The following BBS9 variants were observed in gnomAD, a reference collection of about 807,000 sequenced individuals.
BBS9 encodes Bardet-Biedl syndrome 9.
Under a neutral mutation model 117.7 loss-of-function variants are expected in BBS9, and 89 were observed. The observed-to-expected ratio is 0.76, with a 90% CI of 0.64 to 0.90. BBS9 has a LOEUF of 0.90. BBS9 is among the 40% of genes least tolerant of loss of function. The pLI is 0.00. For missense variants in BBS9, 982 were observed against 1,042.2 expected, an observed-to-expected ratio of 0.94 and a Z score of 0.80; for synonymous variants, 379 against 370.9, an observed-to-expected ratio of 1.02 and a Z score of -0.25.
chr7:33,371,269 T>C (rs1822814612), intron 17 of BBS9, among the ~76,000 whole-genome samples: 1 of 152,110 alleles, frequency 6.6e-6, no homozygotes, highest in Non-Finnish European at 1.5e-5. Context: ...CTTTAGAAAA[T>C]AATGATAAAA....
At chr7:33,448,004 CAA>C (rs977239734) in intron 19 of BBS9, among the ~76,000 whole-genome samples, 1 of 152,084 alleles carries the variant, frequency 6.6e-6, no homozygotes, top group African/African-American at 2.4e-5. Context: ...AAAAACAAAA[CAA>C]AAACACCCAA....
chr7:33,572,837 A>G (rs1585310431), intron 21 of BBS9, among the ~76,000 whole-genome samples: 2 of 152,018 alleles, frequency 1.3e-5, no homozygotes, highest in East Asian at 3.9e-4. Flanking sequence ...TCTCTTGTCT[A>G]TCAATCAACT....
intron 17 of BBS9, among the ~76,000 whole-genome samples, chr7:33,381,258 G>A (rs981714081): frequency 3.9e-5 from 6 of 152,160 alleles, no homozygotes; most frequent in African/African-American, 1.4e-4. Flanking sequence ...GCACCCCTGT[G>A]GCAAGGTCAG....
Position 33,534,162 on chromosome 7 carries a change from C to T in BBS9, c.2507C>T (p.Thr836Ile). 6.2e-7 allele frequency: 1 copy of T among 1,614,134 alleles called. No homozygotes were observed. Among genetic ancestry groups the T allele is most frequent in the Non-Finnish European group, 8.5e-7 (1 of 1,180,002 alleles). The change falls in exon 21 of 23, where the codon ACC becomes ATC. Residue 836 changes from threonine to isoleucine, a missense_variant. Thr to Ile is a moderately conservative substitution (Grantham distance 89, BLOSUM62 -1). Transcript: ENST00000242067. The stretch of plus-strand genomic sequence containing the variant: ...AGTACCGATGCAGCAGCCCCACAGA[C>T]CATGGTCATGCCAGGTAAGAGCTCT... ...CLSTDAAAPQ[T>I]MVMPGGCTTI...
At chr7:33,527,673 G>A (rs919812741) in intron 20 of BBS9, among the ~76,000 whole-genome samples, 10 of 152,214 alleles carry the variant, frequency 6.6e-5, no homozygotes, top group African/African-American at 4.8e-5. Flanking sequence ...GATGAACCAG[G>A]TACCTCAGAT....
chr7:33,167,063 C>T lies in BBS9; in HGVS notation c.329-10415C>T, dbSNP rs541617947. On this transcript the variant is annotated intron_variant, in intron 4 of 22. Transcript: ENST00000242067. The stretch of plus-strand genomic sequence containing the variant: ...TAATTTTATCTCTTCCATGATGAGT[C>T]ATAGAATGCAGAGCTTTTAATAACA... 5.3e-5 allele frequency among the ~76,000 whole-genome samples: 8 copies of T among 152,344 alleles called. No individual in the cohort carries two copies. The South Asian group carries it at 1.7e-3, about 32-fold the overall frequency.
intron 5 of BBS9, among the ~76,000 whole-genome samples, chr7:33,236,201 C>T (rs987709852): frequency 2.0e-5 from 3 of 151,722 alleles, no homozygotes; most frequent in African/African-American, 7.3e-5. Context: ...TGGCACATAC[C>T]TGCAATCCCA....
intron 19 of BBS9, among the ~76,000 whole-genome samples, chr7:33,437,318 C>T (rs1835443371): frequency 1.3e-5 from 2 of 152,184 alleles, no homozygotes; most frequent in African/African-American, 2.4e-5. Context: ...GCTCCCACAC[C>T]AGTCTTCTTT....
At chr7:33,430,028 G>C (rs1249502030) in intron 19 of BBS9, among the ~76,000 whole-genome samples, 1 of 152,066 alleles carries the variant, frequency 6.6e-6, no homozygotes, top group Non-Finnish European at 1.5e-5. Context: ...TTGGTCTATG[G>C]GTCTTACTGG....
intron 9 of BBS9, among the ~76,000 whole-genome samples, chr7:33,301,515 C>T (rs145341452): frequency 0.021 from 3,170 of 152,180 alleles, 118 homozygotes; most frequent in African/African-American, 0.072. Flanking sequence ...TGAGAACATG[C>T]AAACTTTGTC....
intron 5 of BBS9, among the ~76,000 whole-genome samples, chr7:33,241,554 A>G (rs184633787): frequency 4.2e-4 from 64 of 152,306 alleles, no homozygotes; most frequent in African/African-American, 1.4e-3. Flanking sequence ...ATCCAGTTAG[A>G]TATAAGTTAG....
intron 20 of BBS9, among the ~76,000 whole-genome samples, chr7:33,510,005 A>G (rs1585067126): frequency 6.6e-6 from 1 of 152,138 alleles, no homozygotes; most frequent in Admixed American, 6.6e-5. Context: ...AAAAGTGCTC[A>G]AAGTTATATG....
At position 33,632,374 on chromosome 7, in the gene BBS9, A is replaced by G. The variant is rs565868554; in HGVS notation, c.2522-2803A>G. ...TTTCAAAATCATGGTGTGAATGGAA[A>G]GGCTTTGTTTGCCATTATCTTCTGT... On this transcript the variant is annotated intron_variant, in intron 21 of 21. Transcript: ENST00000671952. 1.8e-3 allele frequency among the ~76,000 whole-genome samples: 281 copies of G among 152,314 alleles called. 2 individuals are homozygous for G. The highest frequency in any genetic ancestry group is 6.5e-3 in the African/African-American group (272 of 41,576).
At position 33,273,101 on chromosome 7, in the gene BBS9, TGAGA is replaced by T. The variant is rs756653903; in HGVS notation, c.795_798del (p.Arg266ThrfsTer14). On this transcript the variant is annotated frameshift_variant, in exon 8 of 23. Coordinates refer to ENST00000242067, the MANE Select transcript of BBS9 (RefSeq NM_198428.3). LOFTEE classifies it high-confidence loss of function. ...CGGCATCCTCTGTTTTTGTTCTTGG[TGAGA>T]GAAACTTTTTTTGCCTTAAGGATAA... is the stretch of plus-strand genomic sequence containing the variant. 1 of 1,613,790 alleles carries T rather than the reference TGAGA, an allele frequency of 6.2e-7. No individual in the cohort carries two copies. The highest frequency in any genetic ancestry group is 8.5e-7 in the Non-Finnish European group (1 of 1,179,800).
At chr7:33,268,023 C>T (rs1166385577) in intron 7 of BBS9, among the ~76,000 whole-genome samples, 2 of 152,110 alleles carry the variant, frequency 1.3e-5, no homozygotes, top group Non-Finnish European at 2.9e-5. Context: ...TAAGTGGGAC[C>T]AGGGTAGTGC....
intron 5 of BBS9, among the ~76,000 whole-genome samples, chr7:33,188,983 G>GA (rs768448645): frequency 1.3e-5 from 2 of 152,070 alleles, no homozygotes; most frequent in Non-Finnish European, 2.9e-5. Context: ...GTATTTTGCT[G>GA]AAAAAATTTG....
chr7:33,207,968 T>C (rs1308988873), intron 5 of BBS9, among the ~76,000 whole-genome samples: 1 of 151,994 alleles, frequency 6.6e-6, no homozygotes, highest in East Asian at 1.9e-4. Flanking sequence ...CCACCATGCC[T>C]GGCTTATTTT....
intron 4 of BBS9, among the ~76,000 whole-genome samples, chr7:33,158,268 T>G (rs1794368807): frequency 1.3e-5 from 2 of 152,182 alleles, no homozygotes; most frequent in South Asian, 4.1e-4. Flanking sequence ...TCCAGAGAAT[T>G]TTTTGGTTTA....
At chr7:33,322,427 G>T (rs113508410) in intron 9 of BBS9, among the ~76,000 whole-genome samples, 21 of 128,728 alleles carry the variant, frequency 1.6e-4, no homozygotes, top group South Asian at 1.4e-3. Context: ...CTTGTTTTTG[G>T]TCTGTTTAGG....
Sources: gnomAD v4.1 joint callset for allele counts (sites outside exome capture counted in the v4.1 genomes callset) on GRCh38, gnomAD v4.1.1 for gene constraint, MANE v1.5 for transcripts, NCBI Gene and HGNC (gene_info 2026-07-23, HGNC 2026-07-21) for gene names.